The following CNTN6 variants were observed in gnomAD, a reference collection of about 807,000 sequenced individuals.
CNTN6 encodes the protein contactin-6.
Under a neutral mutation model 122.8 loss-of-function variants are expected in CNTN6, and 137 were observed. The ratio of observed to expected loss-of-function variants is 1.12; its 90% CI spans 0.97 to 1.29. The LOEUF (loss-of-function observed/expected upper bound fraction) is 1.29. Ranked by LOEUF, CNTN6 falls within the 50% of genes most tolerant of loss-of-function variation. The probability of loss-of-function intolerance (pLI) is 0.00; values close to 1 mark genes in which losing one functional copy is unlikely to be tolerated. For missense variants in CNTN6, 1,634 were observed against 1,223.4 expected (o/e 1.34, Z -5.01); for synonymous variants, 570 against 426.0 (o/e 1.34, Z -4.16).
At chr3:1,342,291 G>A (rs1055271631) in intron 11 of CNTN6, among the ~76,000 whole-genome samples, 1 of 151,892 alleles carries the variant, frequency 6.6e-6, no homozygotes, top group Non-Finnish European at 1.5e-5. Context: ...CACCACACCC[G>A]GCTAATTTTT....
At chr3:1,366,604 T>G (rs559991134) in intron 12 of CNTN6, among the ~76,000 whole-genome samples, 23 of 152,294 alleles carry the variant, frequency 1.5e-4, no homozygotes, top group Non-Finnish European at 2.9e-4. Context: ...ATTTCAACTG[T>G]GCAAGCACCA....
intron 2 of CNTN6, 109 bp downstream of exon 2, chr3:1,148,172 G>A (rs1351937881): frequency 3.8e-6 from 3 of 798,502 alleles, no homozygotes; most frequent in Non-Finnish European, 6.2e-6. Context: ...TTATTTGAAT[G>A]ACTAAGTGAT....
chr3:1,349,411 G>A (rs900079582), intron 11 of CNTN6, among the ~76,000 whole-genome samples: 4 of 150,366 alleles, frequency 2.7e-5, no homozygotes, highest in Non-Finnish European at 4.4e-5. Flanking sequence ...TTTTTTAAAT[G>A]CCAGAGAAGC....
intron 2 of CNTN6, among the ~76,000 whole-genome samples, chr3:1,211,686 C>T (rs2094040448): frequency 6.6e-6 from 1 of 152,052 alleles, no homozygotes; most frequent in East Asian, 1.9e-4. Flanking sequence ...CAATTTCTGC[C>T]TTTGTGTAGA....
At chr3:1,300,588 A>G (rs949045604) in intron 7 of CNTN6, among the ~76,000 whole-genome samples, 1 of 128,122 alleles carries the variant, frequency 7.8e-6, no homozygotes, top group South Asian at 2.4e-4. Flanking sequence ...AAAGAAAGAA[A>G]GAAAGAAAGA....
At chr3:1,230,827 G>T (rs899169848) in intron 4 of CNTN6, among the ~76,000 whole-genome samples, 2 of 152,182 alleles carry the variant, frequency 1.3e-5, no homozygotes, top group Admixed American at 1.3e-4. Context: ...GTTCATGTGG[G>T]CCTTCTTTCT....
chr3:1,257,538 G>C (rs1559630765), intron 4 of CNTN6, among the ~76,000 whole-genome samples: 1 of 152,012 alleles, frequency 6.6e-6, no homozygotes, highest in Non-Finnish European at 1.5e-5. Flanking sequence ...ACCCAACCTT[G>C]CTTCCCCACC....
intron 2 of CNTN6, among the ~76,000 whole-genome samples, chr3:1,213,627 T>C (rs1356658938): frequency 1.3e-5 from 2 of 151,896 alleles, no homozygotes; most frequent in African/African-American, 2.4e-5. Context: ...TCTTTCTATA[T>C]ATATAAATAC....
intron 12 of CNTN6, among the ~76,000 whole-genome samples, chr3:1,355,401 C>T (rs1460392792): frequency 6.6e-6 from 1 of 151,592 alleles, no homozygotes; most frequent in Non-Finnish European, 1.5e-5. Context: ...CTTAACTAGA[C>T]TGTTATCTCT....
In CNTN6 at chr3:1,312,568, T is replaced by C. The variant is rs891889696; in HGVS notation, c.762-9082T>C. ...ACTCAAATTTGGAGGCATCTCAATA[T>C]GTTTTAAAAAGATAGTCTCCGTGAT... On this transcript the variant is annotated intron_variant, in intron 7 of 22. Coordinates refer to ENST00000446702, the MANE Select transcript of CNTN6 (RefSeq NM_001289080.2). Among the ~76,000 whole-genome samples, 5 of 151,024 alleles carry C rather than the reference T, an allele frequency of 3.3e-5. No homozygotes were observed. The South Asian group carries it at 1.0e-3, about 31-fold the overall frequency.
chr3:1,396,950 T>C (rs1056897170), intron 20 of CNTN6, among the ~76,000 whole-genome samples: 1 of 152,244 alleles, frequency 6.6e-6, no homozygotes, highest in Non-Finnish European at 1.5e-5. Context: ...TGTAATCTGA[T>C]ATTTGATCTT....
intron 4 of CNTN6, among the ~76,000 whole-genome samples, chr3:1,245,975 G>A (rs372264332): frequency 3.4e-4 from 52 of 152,134 alleles, no homozygotes; most frequent in Non-Finnish European, 6.0e-4. Flanking sequence ...TTTTTGTTGG[G>A]CCACATTCAA....
At position 1,352,453 on chromosome 3, in the gene CNTN6, TATC is replaced by T. The variant is rs1450650957; in HGVS notation, c.1492+5_1492+7del. 3.7e-6 allele frequency: 6 copies of T among 1,609,506 alleles called. No homozygotes were observed. The highest frequency in any genetic ancestry group is 3.4e-6 in the Non-Finnish European group (4 of 1,177,104). ...ACACTGGCAGCCTCATTGTAAAAGG[TATC>T]ATATTATCTTCATTTGTGCTTGATG... On this transcript the variant is annotated splice_donor_5th_base_variant and intron_variant, in intron 12 of 22. Transcript: ENST00000446702.
chr3:1,295,028 G>C (rs114997592), intron 5 of CNTN6, among the ~76,000 whole-genome samples: 2 of 152,252 alleles, frequency 1.3e-5, no homozygotes, highest in South Asian at 4.1e-4. Flanking sequence ...TAAGGCAGGA[G>C]AATGACTTGA....
intron 2 of CNTN6, among the ~76,000 whole-genome samples, chr3:1,161,764 A>G (rs371663952): frequency 5.7e-4 from 82 of 143,288 alleles, no homozygotes; most frequent in Non-Finnish European, 8.8e-4. Context: ...ATATATATAT[A>G]TGTATACACA....
At chr3:1,290,367 A>C (rs1478418462) in intron 5 of CNTN6, among the ~76,000 whole-genome samples, 1 of 152,180 alleles carries the variant, frequency 6.6e-6, no homozygotes, top group Non-Finnish European at 1.5e-5. Flanking sequence ...AGTGAGGAAC[A>C]TTTGTCTTAG....
At chr3:1,129,757 T>A (rs2092285005) in intron 1 of CNTN6, among the ~76,000 whole-genome samples, 1 of 152,090 alleles carries the variant, frequency 6.6e-6, no homozygotes, top group African/African-American at 2.4e-5. Flanking sequence ...TAACTGAAAG[T>A]TAAATGTATG....
chr3:1,359,916 G>T (rs1162842899), intron 12 of CNTN6, among the ~76,000 whole-genome samples: 1 of 151,900 alleles, frequency 6.6e-6, no homozygotes, highest in East Asian at 1.9e-4. Context: ...GTTTTCTACG[G>T]ACTTGCCAAC....
At chr3:1,283,824 A>AC (rs1693887608) in intron 5 of CNTN6, among the ~76,000 whole-genome samples, 2 of 152,192 alleles carry the variant, frequency 1.3e-5, no homozygotes, top group African/African-American at 2.4e-5. Flanking sequence ...ACATGGTGAA[A>AC]CCCCGTCTGT....
Sources: allele counts gnomAD v4.1 joint callset (sites outside exome capture counted in the v4.1 genomes callset), GRCh38; gene constraint gnomAD v4.1.1; transcripts MANE v1.5; gene names NCBI Gene and HGNC (gene_info 2026-07-23, HGNC 2026-07-21).